The following SEMA3C variants were observed in gnomAD, a reference collection of about 807,000 sequenced individuals.
SEMA3C encodes semaphorin-3C.
Under a neutral mutation model 89.4 loss-of-function variants are expected in SEMA3C, and 47 were observed. That is an observed-to-expected ratio of 0.53 (90% CI 0.42 to 0.67). The LOEUF (loss-of-function observed/expected upper bound fraction) is 0.67. Among genes scored for constraint, SEMA3C ranks in the 30% least tolerant of loss-of-function variants. The pLI, the probability that SEMA3C is intolerant of heterozygous loss-of-function variation, is 0.00. For missense variants in SEMA3C, 839 were observed against 929.1 expected (o/e 0.90, Z 1.26); for synonymous variants, 310 against 320.2 (o/e 0.97, Z 0.34).
At chr7:80,843,100 A>T (rs1790307701) in intron 2 of SEMA3C, among the ~76,000 whole-genome samples, 1 of 152,168 alleles carries the variant, frequency 6.6e-6, no homozygotes, top group Non-Finnish European at 1.5e-5. Context: ...ATACAAACAT[A>T]GAGTTAGATA....
At chr7:80,754,947 G>GTTTTTTTTTTTTTTTTTTTTAT (rs1031680674) in intron 15 of SEMA3C, among the ~76,000 whole-genome samples, 1 of 13,136 alleles carries the variant, frequency 7.6e-5, no homozygotes, top group Non-Finnish European at 3.0e-4. Flanking sequence ...CTGGCGAATT[G>GTTTTTTTTTTTTTTTTTTTTAT]TTTTTTTTTG....
chr7:80,808,702 T>G (rs1012821139), intron 6 of SEMA3C, among the ~76,000 whole-genome samples: 1 of 152,202 alleles, frequency 6.6e-6, no homozygotes, highest in Non-Finnish European at 1.5e-5. Flanking sequence ...TGGCAATACA[T>G]TAAAAAAAAG....
upstream of SEMA3C, among the ~76,000 whole-genome samples, chr7:80,920,111 A>G (rs1347909175): frequency 2.0e-5 from 3 of 152,220 alleles, no homozygotes; most frequent in Non-Finnish European, 4.4e-5. Context: ...AGATTGCCAT[A>G]ACCACACATC....
chr7:80,801,695 T>C (rs954738739), intron 9 of SEMA3C, among the ~76,000 whole-genome samples: 2 of 151,916 alleles, frequency 1.3e-5, no homozygotes, highest in African/African-American at 4.8e-5. Context: ...AGTCCTTCCA[T>C]ATGTGAATAA....
intron 5 of SEMA3C, among the ~76,000 whole-genome samples, chr7:80,812,854 T>C (rs1380478616): frequency 1.3e-5 from 2 of 152,026 alleles, no homozygotes; most frequent in African/African-American, 4.8e-5. Flanking sequence ...TGGTGCGATC[T>C]CGGCTTACGG....
chr7:80,907,697 G>A (rs1792048061), intron 2 of SEMA3C, among the ~76,000 whole-genome samples: 1 of 152,048 alleles, frequency 6.6e-6, no homozygotes, highest in Non-Finnish European at 1.5e-5. Flanking sequence ...TACAGAACTA[G>A]ACTGTTTAGA....
At chr7:80,920,068 C>A (rs182481232), upstream of SEMA3C, among the ~76,000 whole-genome samples, 85 of 152,276 alleles carry the variant, frequency 5.6e-4, no homozygotes, top group East Asian at 9.8e-3. Context: ...TTTGACAATT[C>A]TATGTGGAGA....
At position 80,798,060 on chromosome 7, in the gene SEMA3C, A is replaced by T. The variant is rs752051410; in HGVS notation, c.1131+32T>A. 1.9e-6 allele frequency: 3 copies of T among 1,578,686 alleles called. No homozygotes were observed. In the South Asian group the frequency reaches 3.5e-5, roughly 19 times the overall value. ...CCTGTTAAATGAGTTTTTATAAAGC[A>T]TCATAACAAAGAATTTTCCCTGGAT... On this transcript the variant is annotated intron_variant, in intron 11 of 17. Transcript: ENST00000265361.
intron 13 of SEMA3C, among the ~76,000 whole-genome samples, chr7:80,762,092 TAAA>T (rs547180420): frequency 1.3e-5 from 1 of 75,918 alleles, no homozygotes. Flanking sequence ...TCCGTCTCAA[TAAA>T]AAAAAAAAAA....
intron 2 of SEMA3C, among the ~76,000 whole-genome samples, chr7:80,895,573 C>A (rs1562974396): frequency 6.6e-6 from 1 of 152,080 alleles, no homozygotes; most frequent in Non-Finnish European, 1.5e-5. Context: ...AAAAATAAAA[C>A]AAATTCAGTC....
intron 10 of SEMA3C, 125 bp from the exon 11 acceptor site, chr7:80,798,361 G>T: frequency 1.2e-6 from 1 of 823,254 alleles, no homozygotes; most frequent in Non-Finnish European, 1.7e-6. Context: ...AAATGTTATC[G>T]AACACATGTG....
At chr7:80,784,571 T>A (rs994450178) in intron 12 of SEMA3C, among the ~76,000 whole-genome samples, 8 of 152,232 alleles carry the variant, frequency 5.3e-5, no homozygotes, top group South Asian at 2.1e-4. Flanking sequence ...ATTAATTTTT[T>A]AAAAAATTTA....
chr7:80,844,518 G>A (rs1357351578), intron 2 of SEMA3C, among the ~76,000 whole-genome samples: 1 of 151,938 alleles, frequency 6.6e-6, no homozygotes, highest in Non-Finnish European at 1.5e-5. Context: ...TTGTAAAATG[G>A]GGGTAATGAT....
rs74875527 is a variant in SEMA3C, at chr7:80,841,104, T to A, written c.104-12359A>T. ...CACAGAAAGATCCAAATTTCTTGAC[T>A]GTCAAACCATAGGGGTTGAATTTTT... On this transcript the variant is annotated intron_variant, in intron 2 of 17. Transcript: ENST00000265361. 8.7e-3 allele frequency among the ~76,000 whole-genome samples: 1,318 copies of A among 152,196 alleles called. 23 individuals carry two copies. Among genetic ancestry groups the A allele is most frequent in the African/African-American group, 0.03 (1,241 of 41,518 alleles).
intron 2 of SEMA3C, among the ~76,000 whole-genome samples, chr7:80,894,545 A>G (rs547515870): frequency 3.9e-5 from 6 of 152,148 alleles, no homozygotes; most frequent in Non-Finnish European, 8.8e-5. Context: ...CGGGATTTGA[A>G]CCCAGTCTGA....
chr7:80,901,792 T>C (rs997312982), intron 2 of SEMA3C, among the ~76,000 whole-genome samples: 2 of 152,250 alleles, frequency 1.3e-5, no homozygotes, highest in African/African-American at 4.8e-5. Flanking sequence ...TTGCCCATAT[T>C]AGGTATATTG....
rs1344762971 is a variant in SEMA3C, at chr7:80,742,742, TG to T, written c.*2151del. 1 of 151,844 alleles carries T rather than the reference TG, an allele frequency of 6.6e-6. No homozygotes were observed. Among genetic ancestry groups the T allele is most frequent in the Non-Finnish European group, 1.5e-5 (1 of 67,826 alleles). The allele number at this position is 151,844 out of a possible 1,614,324, so 9.4% of individuals were successfully genotyped here. ...TAGAAAATTTTATGTACAATACAAA[TG>T]GAATAGATATTAAGTCACTGAATTG... On this transcript the variant is annotated 3_prime_UTR_variant, in exon 18 of 18. Transcript: ENST00000265361.
At chr7:80,828,969 C>T (rs1400093823) in intron 2 of SEMA3C, among the ~76,000 whole-genome samples, 7 of 151,986 alleles carry the variant, frequency 4.6e-5, no homozygotes, top group Non-Finnish European at 8.8e-5. Flanking sequence ...TCAAGGCCAG[C>T]CTGAGCAACA....
chr7:80,743,579 CATGA>C lies in SEMA3C; in HGVS notation c.*1311_*1314del, dbSNP rs1787730113. 6.6e-6 allele frequency: 1 copy of C among 151,648 alleles called. No individual in the cohort carries two copies. The highest frequency in any genetic ancestry group is 1.5e-5 in the Non-Finnish European group (1 of 67,790). The allele number at this position is 151,648 out of a possible 1,614,324, so 9.4% of individuals were successfully genotyped here. A position where few individuals can be genotyped will look rare whatever the true frequency, so the allele number is the denominator to read the frequency against. On this transcript the variant is annotated 3_prime_UTR_variant, in exon 18 of 18. Transcript: ENST00000265361. Reference sequence around the variant, plus strand: ...AGTGTTTTTAAAATATATATGAGAGCATGAATAATTTTTTTCACATTTTTCCATC... The same window carrying C: ...AGTGTTTTTAAAATATATATGAGAGCATAATTTTTTTCACATTTTTCCATC...
Sources: gnomAD v4.1 joint callset for allele counts (sites outside exome capture counted in the v4.1 genomes callset) on GRCh38, gnomAD v4.1.1 for gene constraint, MANE v1.5 for transcripts, NCBI Gene and HGNC (gene_info 2026-07-23, HGNC 2026-07-21) for gene names.